FRYL: variants seen among roughly 807,000 people sequenced by gnomAD.
FRYL encodes protein furry homolog-like.
In FRYL, 150 loss-of-function variants were observed where a neutral mutation model predicts 351.2. The observed-to-expected ratio is 0.43, with a 90% CI of 0.37 to 0.49. The LOEUF is 0.49. Among genes scored for constraint, FRYL ranks in the 20% least tolerant of loss-of-function variants. The probability of loss-of-function intolerance (pLI) is 0.00; values close to 1 mark genes in which losing one functional copy is unlikely to be tolerated. For synonymous variants in FRYL, 1,153 were observed against 1,257.1 expected, an observed-to-expected ratio of 0.92 and a Z score of 1.75; for missense variants, 3,036 against 3,619.3, an observed-to-expected ratio of 0.84 and a Z score of 4.13.
At chr4:48,700,161 G>C (rs1766583507) in intron 2 of FRYL, among the ~76,000 whole-genome samples, 1 of 152,230 alleles carries the variant, frequency 6.6e-6, no homozygotes, top group Non-Finnish European at 1.5e-5. Flanking sequence ...GAAGGAGATT[G>C]TGGTAGAAAG....
At chr4:48,723,965 A>AATAATG (rs1215594653) in intron 1 of FRYL, among the ~76,000 whole-genome samples, 1 of 148,186 alleles carries the variant, frequency 6.7e-6, no homozygotes, top group Admixed American at 6.7e-5. Context: ...TAATAATAAT[A>AATAATG]ATAACAAAAA....
chr4:48,724,822 G>C (rs1342544085), intron 1 of FRYL, among the ~76,000 whole-genome samples: 1 of 152,184 alleles, frequency 6.6e-6, no homozygotes, highest in Admixed American at 6.5e-5. Context: ...GAGAAAGGGA[G>C]GGAAACTTGT....
At chr4:48,551,427 C>A (rs1228891816) in intron 37 of FRYL, 67 bp downstream of exon 37, 5 of 843,298 alleles carry the variant, frequency 5.9e-6, no homozygotes, top group African/African-American at 1.7e-5. Context: ...CAGAAAATAT[C>A]ATTTATTCTG....
intron 2 of FRYL, 150 bp downstream of exon 2, chr4:48,710,369 A>G (rs1578791548): frequency 1.3e-5 from 5 of 395,484 alleles, no homozygotes; most frequent in Non-Finnish European, 2.2e-5. Context: ...ACAGAATGTA[A>G]TATGTAAAAA....
In FRYL at chr4:48,523,011, A is replaced by G; in HGVS notation, c.7411T>C (p.Cys2471Arg). 6.2e-7 allele frequency: 1 copy of G among 1,613,812 alleles called. No homozygotes were observed. The highest frequency in any genetic ancestry group is 2.2e-5 in the East Asian group (1 of 44,866). Reference sequence around the variant, plus strand: ...TTCAGGCTGGGGGTGCTACTAGAGCACTGGTACTCCTGGAGGGATGGAGTG... The same window carrying G: ...TTCAGGCTGGGGGTGCTACTAGAGCGCTGGTACTCCTGGAGGGATGGAGTG... ...GDTPSLQEYQ[C>R]SSSTPSLNLT... Residue 2471 changes from cysteine to arginine, a missense_variant, in exon 54 of 64, where the codon TGC becomes CGC. Transcript: ENST00000358350.
chr4:48,666,404 TA>T (rs1761726814), intron 3 of FRYL, among the ~76,000 whole-genome samples: 1 of 108,860 alleles, frequency 9.2e-6, no homozygotes, highest in African/African-American at 2.8e-5. Context: ...AATAAATAAA[TA>T]AATAAATAAG....
chr4:48,721,583 G>A (rs528623420), intron 1 of FRYL, among the ~76,000 whole-genome samples: 1 of 152,110 alleles, frequency 6.6e-6, no homozygotes, highest in Non-Finnish European at 1.5e-5. Flanking sequence ...TTGTGTCTAT[G>A]ATATACACAG....
chr4:48,522,760 C>A, intron 54 of FRYL, 141 bp downstream of exon 54: 1 of 726,508 alleles, frequency 1.4e-6, no homozygotes, highest in Non-Finnish European at 2.5e-6. Flanking sequence ...AATAACAACA[C>A]GGTACTCCAT....
rs111981348 is a variant in FRYL at position 48,659,282 on chromosome 4, C to T, written c.-80-24792G>A. 2.7e-3 allele frequency among the ~76,000 whole-genome samples: 413 copies of T among 150,822 alleles called. 1 individual carries two copies. Among genetic ancestry groups the T allele is most frequent in the African/African-American group, 9.6e-3 (392 of 40,986 alleles). ...ACAAGAATTACTGGAACCCCGGAGGCGGAGGTTGCAGGGAGCCAAGATCGC... is the reference window on the plus strand; with the variant it reads ...ACAAGAATTACTGGAACCCCGGAGGTGGAGGTTGCAGGGAGCCAAGATCGC... On this transcript the variant is annotated intron_variant, in intron 3 of 63. Transcript: ENST00000358350.
chr4:48,661,187 G>A (rs922275048), intron 3 of FRYL, among the ~76,000 whole-genome samples: 6 of 152,060 alleles, frequency 3.9e-5, no homozygotes, highest in Non-Finnish European at 5.9e-5. Flanking sequence ...AAAGTATTCC[G>A]AAATAAAAAG....
chr4:48,578,606 A>G (rs1183825214), intron 23 of FRYL, among the ~76,000 whole-genome samples: 1 of 152,202 alleles, frequency 6.6e-6, no homozygotes, highest in Non-Finnish European at 1.5e-5. Flanking sequence ...AAGGCCACTG[A>G]GCTGAGTTTC....
intron 1 of FRYL, among the ~76,000 whole-genome samples, chr4:48,774,836 C>T (rs1325597174): frequency 6.6e-6 from 1 of 152,084 alleles, no homozygotes; most frequent in Non-Finnish European, 1.5e-5. Flanking sequence ...TGAGCCACCG[C>T]GTCCAGCCAA....
At chr4:48,648,208 A>C (rs555675637) in intron 3 of FRYL, among the ~76,000 whole-genome samples, 1 of 152,174 alleles carries the variant, frequency 6.6e-6, no homozygotes, top group Non-Finnish European at 1.5e-5. Context: ...GCACCACCCC[A>C]AAGACAGAAA....
chr4:48,759,377 T>C (rs1774170434), intron 1 of FRYL, among the ~76,000 whole-genome samples: 2 of 152,214 alleles, frequency 1.3e-5, no homozygotes, highest in Admixed American at 1.3e-4. Context: ...AATGTTTATT[T>C]AGCTACCAAT....
At chr4:48,528,500 T>C (rs1726780171) in intron 50 of FRYL, among the ~76,000 whole-genome samples, 164 bp from the exon 51 acceptor site, 1 of 152,058 alleles carries the variant, frequency 6.6e-6, no homozygotes, top group Non-Finnish European at 1.5e-5. Flanking sequence ...AAGGTAATGA[T>C]ATATATATAT....
At chr4:48,588,811 G>T (rs768669547) in intron 18 of FRYL, among the ~76,000 whole-genome samples, 1 of 151,968 alleles carries the variant, frequency 6.6e-6, no homozygotes, top group Non-Finnish European at 1.5e-5. Flanking sequence ...CACCGAGAGG[G>T]TGCTCTCTAT....
Position 48,546,110 on chromosome 4 carries a change from G to C in FRYL, c.5236C>G (p.Gln1746Glu). Residue 1746 changes from glutamine (Q) to glutamate (E), a missense_variant, in exon 42 of 64, where the codon CAG (glutamine) becomes GAG (glutamate). By Grantham distance (29) the Gln-to-Glu change is conservative. This residue lies in a region of FRYL where 1,987 missense variants were observed against 2,311.7 expected (regional missense o/e 0.86). Transcript: ENST00000358350. ...ATGAGGGTTTTGACTTTTCCATCCT[G>C]CTCCACTGAGATGTCAACCTCATTG... ...ILNEVDISVEQDGKVKTLMEF... is the reference protein window; with the variant it reads ...ILNEVDISVEEDGKVKTLMEF... The C allele has an allele frequency of 6.2e-7, 1 of 1,613,628 alleles. No individual in the cohort carries two copies. Among genetic ancestry groups the C allele is most frequent in the Non-Finnish European group, 8.5e-7 (1 of 1,179,806 alleles).
intron 1 of FRYL, among the ~76,000 whole-genome samples, chr4:48,727,843 T>C (rs967666732): frequency 1.3e-5 from 2 of 152,124 alleles, no homozygotes; most frequent in African/African-American, 4.8e-5. Flanking sequence ...TACCTAACTC[T>C]AGGCAGTTCT....
chr4:48,746,602 C>T (rs1484780781), intron 1 of FRYL, among the ~76,000 whole-genome samples: 1 of 151,808 alleles, frequency 6.6e-6, no homozygotes, highest in Non-Finnish European at 1.5e-5. Flanking sequence ...GCAAATTCTT[C>T]GACACTCTTT....
Sources: allele counts gnomAD v4.1 joint callset (sites outside exome capture counted in the v4.1 genomes callset), GRCh38; gene constraint gnomAD v4.1.1; regional missense constraint gnomAD v4.1.1; transcripts MANE v1.5; gene names NCBI Gene and HGNC (gene_info 2026-07-23, HGNC 2026-07-21).